Variants in SLC5A10 observed in about 807,000 individuals in gnomAD.
The protein encoded by SLC5A10 is solute carrier family 5 member 10.
A neutral mutation model predicts 68.9 loss-of-function variants in SLC5A10; 55 were observed. That is an observed-to-expected ratio of 0.80 (90% confidence interval 0.64 to 1.00). The LOEUF (loss-of-function observed/expected upper bound fraction) is 1.00. Among genes scored for constraint, SLC5A10 ranks in the 50% least tolerant of loss-of-function variants. The pLI is 0.00. For missense variants in SLC5A10, 732 were observed against 819.3 expected (o/e 0.89, Z 1.30); for synonymous variants, 344 against 344.8 (o/e 1.00, Z 0.02).
At position 18,969,032 on chromosome 17, in the gene SLC5A10, A is replaced by T. The variant is rs370838338; in HGVS notation, c.454-20A>T. ...AGCCCTGGGAATAACAGTCCCACAC[A>T]AGGCTCTCTCCCTCCGCAGCTGGAC... On this transcript the variant is annotated intron_variant, in intron 5 of 14. Transcript: ENST00000395645. 5.0e-6 allele frequency: 8 copies of T among 1,605,506 alleles called. No individual in the cohort carries two copies. The highest frequency in any genetic ancestry group is 6.8e-6 in the Non-Finnish European group (8 of 1,176,018).
intron 9 of SLC5A10, chr17:18,978,946 CA>C: frequency 4.3e-6 from 6 of 1,405,050 alleles, no homozygotes; most frequent in South Asian, 1.3e-5. Flanking sequence ...AGACTGTGGC[CA>C]CAGGGCCCTG....
At chr17:18,974,468 T>C (rs1272072654) in intron 8 of SLC5A10, among the ~76,000 whole-genome samples, 2 of 152,254 alleles carry the variant, frequency 1.3e-5, no homozygotes, top group Non-Finnish European at 2.9e-5. Flanking sequence ...TTGGTGTCCC[T>C]GTCTGTGAAA....
chr17:19,006,396 C>CTTTTTTCTTTTTTTT, intron 9 of SLC5A10, among the ~76,000 whole-genome samples: 1 of 148,940 alleles, frequency 6.7e-6, no homozygotes, highest in Non-Finnish European at 1.5e-5. Context: ...TTTCTTTTTT[C>CTTTTTTCTTTTTTTT]TTTTTTCTTT....
At chr17:18,958,556 T>C in intron 1 of SLC5A10, 126 bp from the exon 2 acceptor site, 1 of 689,772 alleles carries the variant, frequency 1.4e-6, no homozygotes, top group Non-Finnish European at 2.5e-6. Flanking sequence ...TACCTAGGAG[T>C]GGAACTTCTG....
intron 7 of SLC5A10, chr17:18,969,662 G>A: frequency 2.2e-6 from 1 of 462,006 alleles, no homozygotes; most frequent in Non-Finnish European, 3.8e-6. Context: ...CTCTGGCCCT[G>A]GCAAGGAGCT....
At chr17:18,979,318 C>G (rs1597852006) in intron 9 of SLC5A10, 2 of 590,362 alleles carry the variant, frequency 3.4e-6, no homozygotes, top group East Asian at 6.2e-5. Flanking sequence ...TGGCCACACC[C>G]CACCTCCAGG....
Position 18,971,196 on chromosome 17 carries a change from CCTGGTA to C in SLC5A10, c.830_835del (p.Tyr277_Trp278del). The stretch of plus-strand genomic sequence containing the variant: ...ACCTTTGGCCTGACCATCATGGCCA[CCTGGTA>C]CTGGTGCACCGACCAGGTGAGTGCC... On this transcript the variant is annotated inframe_deletion, in exon 8 of 15. Transcript: ENST00000395645. The surrounding 1 kb of genome is among the most constrained non-coding windows in gnomAD (Gnocchi z 5.5). The C allele has an allele frequency of 6.2e-7, 1 of 1,613,990 alleles. No homozygotes were observed. The highest frequency in any genetic ancestry group is 8.5e-7 in the Non-Finnish European group (1 of 1,180,040).
Position 18,984,114 on chromosome 17 carries a change from G to A in SLC5A10, c.982+7125G>A, listed in dbSNP as rs545856490. ...TCCCCGCACTTTGGGAGGCCGAGGC[G>A]GGCGGATCACGAGGTCAGCAGATCG... On this transcript the variant is annotated intron_variant, in intron 9 of 14. Transcript: ENST00000395645. 9.2e-5 allele frequency among the ~76,000 whole-genome samples: 14 copies of A among 152,102 alleles called. No homozygotes were observed. The South Asian group carries it at 1.9e-3, about 20-fold the overall frequency.
chr17:18,970,971 C>A, intron 7 of SLC5A10, 42 bp from the exon 8 acceptor site: 1 of 1,596,984 alleles, frequency 6.3e-7, no homozygotes, highest in Non-Finnish European at 8.6e-7. Flanking sequence ...GTCAGGGCCC[C>A]GCAACCACCA....
intron 9 of SLC5A10, among the ~76,000 whole-genome samples, chr17:18,985,489 G>A (rs773502739): frequency 4.6e-5 from 7 of 152,236 alleles, no homozygotes; most frequent in Non-Finnish European, 1.0e-4. Flanking sequence ...CTGGGCAGGG[G>A]TGGCAGTGGC....
At chr17:18,956,243 CAAAT>C (rs2042498311) in intron 1 of SLC5A10, among the ~76,000 whole-genome samples, 2 of 146,312 alleles carry the variant, frequency 1.4e-5, no homozygotes, top group South Asian at 4.3e-4. Flanking sequence ...AAATAAATAA[CAAAT>C]AGATAAAGCT....
intron 9 of SLC5A10, 81 bp downstream of exon 9, chr17:18,977,070 G>C (rs569763556): frequency 5.1e-6 from 8 of 1,574,290 alleles, no homozygotes; most frequent in African/African-American, 4.0e-5. Context: ...GTCACCAGAA[G>C]AAGAGGCAAA....
intron 1 of SLC5A10, among the ~76,000 whole-genome samples, chr17:18,952,969 G>A (rs1338780584): frequency 1.3e-5 from 2 of 152,078 alleles, no homozygotes; most frequent in Non-Finnish European, 2.9e-5. Context: ...CTGGTCTATC[G>A]TGGAGGCCTT....
At chr17:18,986,377 G>A (rs544593382) in intron 9 of SLC5A10, 1 of 152,350 alleles carries the variant, frequency 6.6e-6, no homozygotes, top group African/African-American at 2.4e-5. Flanking sequence ...TGCTGCTTGA[G>A]TACCAGGGAT....
At chr17:18,993,151 C>G (rs115006863) in intron 9 of SLC5A10, among the ~76,000 whole-genome samples, 1 of 152,156 alleles carries the variant, frequency 6.6e-6, no homozygotes, top group Non-Finnish European at 1.5e-5. Flanking sequence ...TTCAGGGGGG[C>G]CCTAAACCAA....
In SLC5A10 at chr17:18,971,218, GGTGA is replaced by G; in HGVS notation, c.846+4_846+7del. The G allele has an allele frequency of 6.2e-7, 1 of 1,613,880 alleles. No individual in the cohort carries two copies. The highest frequency in any genetic ancestry group is 1.1e-5 in the South Asian group (1 of 91,090). Reference sequence around the variant, plus strand: ...CCACCTGGTACTGGTGCACCGACCAGGTGAGTGCCAACGTCTCCCGCCCATCCCA... The same window carrying G: ...CCACCTGGTACTGGTGCACCGACCAGGTGCCAACGTCTCCCGCCCATCCCA... On this transcript the variant is annotated splice_donor_variant and splice_donor_region_variant and intron_variant, in intron 8 of 14. Coordinates refer to ENST00000395645, the MANE Select transcript of SLC5A10 (RefSeq NM_001042450.4). LOFTEE classifies it high-confidence loss of function. This position sits in a 1 kb window ranked among gnomAD's most constrained non-coding sequence, Gnocchi z 5.5.
chr17:19,022,029 C>T lies in SLC5A10; in HGVS notation c.*1598C>T. The T allele has an allele frequency of 6.2e-7, 1 of 1,600,254 alleles. No homozygotes were observed. The highest frequency in any genetic ancestry group is 8.5e-7 in the Non-Finnish European group (1 of 1,174,000). Reference sequence around the variant, plus strand: ...GCGCCCGCAGGACCGGCCCCGCCACCAGTGGGGGTCTGGGCGCTCCAGGAC... The same window carrying T: ...GCGCCCGCAGGACCGGCCCCGCCACTAGTGGGGGTCTGGGCGCTCCAGGAC... On this transcript the variant is annotated 3_prime_UTR_variant, in exon 15 of 15. Coordinates refer to ENST00000395645, the MANE Select transcript of SLC5A10 (RefSeq NM_001042450.4).
intron 9 of SLC5A10, among the ~76,000 whole-genome samples, chr17:19,010,662 A>G (rs923994523): frequency 6.7e-6 from 1 of 149,116 alleles, no homozygotes; most frequent in Non-Finnish European, 1.5e-5. Context: ...TGAAACATAT[A>G]TGGCTGCAAC....
rs1425597359 is a variant in SLC5A10 at position 19,005,325 on chromosome 17, A to G, written c.983-8085A>G. Among the ~76,000 whole-genome samples, 3 of 152,306 alleles carry G rather than the reference A, an allele frequency of 2.0e-5. No individual in the cohort carries two copies. The East Asian group carries it at 5.8e-4, about 29-fold the overall frequency. On this transcript the variant is annotated intron_variant, in intron 9 of 14. Coordinates refer to ENST00000395645, the MANE Select transcript of SLC5A10 (RefSeq NM_001042450.4). The stretch of plus-strand genomic sequence containing the variant: ...CAGCACCCGACCTGAACCCTAGGGC[A>G]GGGAGGGGCCAAGAGGGCCGCTGTG...
Sources: gnomAD v4.1 joint callset for allele counts (sites outside exome capture counted in the v4.1 genomes callset) on GRCh38, gnomAD v4.1.1 for gene constraint, Gnocchi (gnomAD v3.1) non-coding constraint, MANE v1.5 for transcripts, NCBI Gene and HGNC (gene_info 2026-07-23, HGNC 2026-07-21) for gene names.